The following MYO15A variants were observed in gnomAD, a reference collection of about 807,000 sequenced individuals.
MYO15A encodes myosin XVA, also known as unconventional myosin-XV.
A neutral mutation model predicts 394.6 loss-of-function variants in MYO15A; 308 were observed. The ratio of observed to expected loss-of-function variants is 0.78; its 90% confidence interval spans 0.71 to 0.86. The LOEUF is 0.86. Among genes scored for constraint, MYO15A ranks in the 40% least tolerant of loss-of-function variants. The pLI is 0.00. For synonymous variants in MYO15A, 1,957 were observed against 2,003.8 expected (o/e 0.98, Z 0.62); for missense variants, 4,606 against 4,799.1 (o/e 0.96, Z 1.19).
Position 18,154,691 on chromosome 17 carries a change from C to A in MYO15A, c.8160C>A (p.Asp2720Glu). 1 of 1,613,622 alleles carries A rather than the reference C, an allele frequency of 6.2e-7. No individual in the cohort carries two copies. The highest frequency in any genetic ancestry group is 2.2e-5 in the East Asian group (1 of 44,878). The change falls in exon 45 of 66, where the codon GAC becomes GAA. Residue 2720 changes from aspartate to glutamate, a missense_variant. By Grantham distance (45) the Asp-to-Glu change is conservative. Around this residue, in one of 2 missense-constraint regions of MYO15A, gnomAD observed 2,776 missense variants for 3,109.3 expected, o/e 0.89. Coordinates refer to ENST00000647165, the MANE Select transcript of MYO15A (RefSeq NM_016239.4). ...GCCTGTTCCCACAGATCCTGCACGA[C>A]ACGCTCTCCGAGGCCTGCCTTCGCA... ...LDLLFRQILHDTLSEACLRIS... is the reference protein window; with the variant it reads ...LDLLFRQILHETLSEACLRIS...
intron 47 of MYO15A, 70 bp downstream of exon 47, chr17:18,155,502 C>T (rs1005184303): frequency 1.4e-5 from 19 of 1,390,624 alleles, no homozygotes; most frequent in Non-Finnish European, 1.7e-5. Flanking sequence ...TTTCCTTCCC[C>T]TCCACAGCCA....
chr17:18,146,220 C>G, intron 30 of MYO15A, 113 bp downstream of exon 30: 2 of 1,169,636 alleles, frequency 1.7e-6, no homozygotes, highest in Non-Finnish European at 2.5e-6. Flanking sequence ...CTGGGAAGCT[C>G]AGGCATGGAG....
Position 18,142,173 on chromosome 17 carries a change from G to A in MYO15A, c.5744G>A (p.Gly1915Asp), listed in dbSNP as rs373055328. The A allele has an allele frequency of 3.1e-6, 5 of 1,613,728 alleles. No homozygotes were observed. The highest frequency in any genetic ancestry group is 2.7e-5 in the African/African-American group (2 of 74,920). Residue 1915 changes from glycine (G) to aspartate (D), a missense_variant, in exon 24 of 66, where the codon GGC becomes GAC. This residue lies in a region of MYO15A where 2,776 missense variants were observed against 3,109.3 expected (regional missense o/e 0.89). Coordinates refer to ENST00000647165, the MANE Select transcript of MYO15A (RefSeq NM_016239.4). ...CTCACTCTGCAGCGCTGCCTCCGTG[G>A]CTTCTTCATTAAGCGGCGATTCCGC... The part of the protein sequence containing the change: ...AALTLQRCLR[G>D]FFIKRRFRSL...
chr17:18,118,622 C>T lies in MYO15A; in HGVS notation c.-179C>T. On this transcript the variant is annotated 5_prime_UTR_variant, in exon 2 of 66. Coordinates refer to ENST00000647165, the MANE Select transcript of MYO15A (RefSeq NM_016239.4). ...GCTCTAGAGGAGATGAATTATGGAT[C>T]CGCCCTCCCGGAATCCTGGCTCGGC... The T allele has an allele frequency of 1.3e-5, 11 of 833,590 alleles. No individual in the cohort carries two copies. The South Asian group carries it at 2.0e-4, about 15-fold the overall frequency. The allele number at this position is 833,590 out of a possible 1,614,324, so 51.6% of individuals were successfully genotyped here. A position where few individuals can be genotyped will look rare whatever the true frequency, so the allele number is the denominator to read the frequency against.
chr17:18,175,898 G>C (rs1168164415), intron 65 of MYO15A, among the ~76,000 whole-genome samples: 1 of 151,740 alleles, frequency 6.6e-6, no homozygotes, highest in Admixed American at 6.6e-5. Flanking sequence ...CATTCCTCCA[G>C]CCACCCTGGC....
At position 18,121,720 on chromosome 17, in the gene MYO15A, C is replaced by G; in HGVS notation, c.2920C>G (p.Pro974Ala). 1 of 1,601,084 alleles carries G rather than the reference C, an allele frequency of 6.2e-7. No individual in the cohort carries two copies. Among genetic ancestry groups the G allele is most frequent in the South Asian group, 1.1e-5 (1 of 89,938 alleles). The change falls in exon 2 of 66, where the codon CCC (proline) becomes GCC (alanine). Residue 974 changes from proline (P) to alanine (A), a missense_variant. By Grantham distance (27) the Pro-to-Ala change is conservative. Around this residue, in one of 2 missense-constraint regions of MYO15A, gnomAD observed 1,830 missense variants for 1,689.7 expected, o/e 1.08. Coordinates refer to ENST00000647165, the MANE Select transcript of MYO15A (RefSeq NM_016239.4). This position sits in a 1 kb window ranked among gnomAD's most constrained non-coding sequence, Gnocchi z 5.3. ...CCAGCTCCTGGGCCCTGTGCCATCC[C>G]CCACCCTCCAGCCTGAGGATCCAGC... The part of the protein sequence containing the change: ...FLQLLGPVPS[P>A]TLQPEDPAAD...
At position 18,122,003 on chromosome 17, in the gene MYO15A, G is replaced by A; in HGVS notation, c.3203G>A (p.Cys1068Tyr). ...AGCCTCTCATACCCACTGGCTGCGT[G>A]TGACCAGACCAGGGCCACATGGCCA... ...RPSLSYPLAA[C>Y]DQTRATWPPW... The change falls in exon 2 of 66, where the codon TGT (cysteine) becomes TAT (tyrosine). Residue 1068 changes from cysteine (C) to tyrosine (Y), a missense_variant. Physicochemically the swap from Cys to Tyr is radical, Grantham distance 194. Transcript: ENST00000647165. 1 of 1,613,224 alleles carries A rather than the reference G, an allele frequency of 6.2e-7. No homozygotes were observed. The highest frequency in any genetic ancestry group is 1.3e-5 in the African/African-American group (1 of 75,020).
chr17:18,145,306 G>T (rs1330770800), intron 29 of MYO15A, among the ~76,000 whole-genome samples: 1 of 152,100 alleles, frequency 6.6e-6, no homozygotes, highest in East Asian at 1.9e-4. Context: ...CAGGGAGGGG[G>T]CTAGGGCTGC....
chr17:18,141,882 G>A, intron 23 of MYO15A, 112 bp downstream of exon 23: 1 of 1,279,104 alleles, frequency 7.8e-7, no homozygotes, highest in South Asian at 1.2e-5. Context: ...CAACCCAGAT[G>A]AGCTTGGGAT....
chr17:18,125,301 A>G, intron 4 of MYO15A, 70 bp downstream of exon 4: 2 of 1,465,402 alleles, frequency 1.4e-6, no homozygotes, highest in South Asian at 2.3e-5. Context: ...GCCGGGTGGG[A>G]CGCACAGATT....
chr17:18,139,431 G>T lies in MYO15A; in HGVS notation c.5134-103G>T, dbSNP rs2046338536. On this transcript the variant is annotated intron_variant, in intron 18 of 65. Transcript: ENST00000647165. The stretch of plus-strand genomic sequence containing the variant: ...CCCAGGAGTAGGGAGAATGGTGGGG[G>T]CTGGAGGGGTGGGGACCATAGAAGT... The T allele has an allele frequency of 1.6e-5, 21 of 1,313,504 alleles. No individual in the cohort carries two copies. In the South Asian group the frequency reaches 2.4e-4, roughly 15 times the overall value. 81.4% of individuals were successfully genotyped at this position (1,313,504 alleles called of 1,614,324 possible).
chr17:18,146,223 G>A, intron 30 of MYO15A, 116 bp downstream of exon 30: 1 of 1,128,548 alleles, frequency 8.9e-7, no homozygotes, highest in Non-Finnish European at 1.3e-6. Context: ...GGAAGCTCAG[G>A]CATGGAGGCT....
chr17:18,130,761 G>T, intron 7 of MYO15A, 44 bp from the exon 8 acceptor site: 1 of 1,611,698 alleles, frequency 6.2e-7, no homozygotes, highest in East Asian at 2.2e-5. Flanking sequence ...ACTCCATTCT[G>T]TTCTTGTCTG....
In MYO15A at chr17:18,152,159, A is replaced by C. The variant is rs975292878; in HGVS notation, c.7941A>C (p.Pro2647=). ...TGGTGAAGCCGGTGACCAGTGCACC[A>C]AGGCCATCCATGGCACCCACTTCAG... ...VALVKPVTSA[P]RPSMAPTSAL... The change falls in exon 42 of 66, where the codon CCA becomes CCC. Residue 2647 remains proline, a synonymous_variant. Coordinates refer to ENST00000647165, the MANE Select transcript of MYO15A (RefSeq NM_016239.4). The C allele has an allele frequency of 9.0e-6, 14 of 1,551,486 alleles. No individual in the cohort carries two copies. The highest frequency in any genetic ancestry group is 1.2e-5 in the Non-Finnish European group (14 of 1,147,316).
At chr17:18,159,045 AG>A in intron 53 of MYO15A, 48 bp downstream of exon 53, 1 of 1,596,232 alleles carries the variant, frequency 6.3e-7, no homozygotes, top group African/African-American at 1.3e-5. Flanking sequence ...ATGGTGATGC[AG>A]GGGCCCCCTC....
chr17:18,135,185 T>C (rs1196554703), intron 12 of MYO15A, among the ~76,000 whole-genome samples: 1 of 152,018 alleles, frequency 6.6e-6, no homozygotes, highest in Non-Finnish European at 1.5e-5. Context: ...TTTTTATTTT[T>C]TCGAGACGGA....
rs1434337111 is a variant in MYO15A at position 18,120,030 on chromosome 17, G to A, written c.1230G>A (p.Val410=). The change falls in exon 2 of 66, where the codon GTG becomes GTA. Residue 410 remains valine (V), a synonymous_variant. Transcript: ENST00000647165. ...FYPEESASAF[V]YPWVPPPIPS... is the part of the protein sequence containing the mutation. ...CGGAGGAGTCGGCTTCGGCCTTTGT[G>A]TACCCCTGGGTACCACCGCCCATCC... 8.7e-6 allele frequency: 14 copies of A among 1,613,578 alleles called. No individual in the cohort carries two copies. The highest frequency in any genetic ancestry group is 1.2e-5 in the Non-Finnish European group (14 of 1,180,012).
rs143746688 is a variant in MYO15A, at chr17:18,162,828, C to T, written c.9612+149C>T. Reference sequence around the variant, plus strand: ...CAGCCTGGCCAACATGGTGAAACCCCGTCTCTACTAAAAATACAAAAATTA... The same window carrying T: ...CAGCCTGGCCAACATGGTGAAACCCTGTCTCTACTAAAAATACAAAAATTA... On this transcript the variant is annotated intron_variant, in intron 58 of 65. Transcript: ENST00000647165. The T allele has an allele frequency of 5.4e-3, 4,345 of 800,048 alleles. 128 individuals are homozygous for T. The African/African-American group carries it at 0.066, about 12-fold the overall frequency. The allele number at this position is 800,048 out of a possible 1,614,324, so 49.6% of individuals were successfully genotyped here.
intron 64 of MYO15A, chr17:18,172,550 GTGTGCTTAGGC>G: frequency 1.9e-6 from 1 of 539,654 alleles, no homozygotes; most frequent in South Asian, 2.0e-5. Flanking sequence ...TAGTACATCT[GTGTGCTTAGGC>G]TGCCATAATA....
Sources: gnomAD v4.1 joint callset for allele counts (sites outside exome capture counted in the v4.1 genomes callset) on GRCh38, gnomAD v4.1.1 for gene constraint, gnomAD v4.1.1 regional missense constraint, Gnocchi (gnomAD v3.1) non-coding constraint, MANE v1.5 for transcripts, NCBI Gene and HGNC (gene_info 2026-07-23, HGNC 2026-07-21) for gene names.